Variants in TBL1Y observed in about 807,000 individuals in gnomAD.
TBL1Y encodes F-box-like/WD repeat-containing protein TBL1Y.
In TBL1Y, 15 loss-of-function variants were observed where a neutral mutation model predicts 12.0. The ratio of observed to expected loss-of-function variants is 1.25; its 90% confidence interval spans 0.83 to 1.92. The LOEUF is 1.92. Ranked by LOEUF, TBL1Y falls within the 40% of genes most tolerant of loss-of-function variation. TBL1Y has a pLI of 0.00. For missense variants in TBL1Y, 148 were observed against 116.7 expected (o/e 1.27, Z -1.24); for synonymous variants, 53 against 42.6 (o/e 1.24, Z -0.95).
chrY:6,971,281 CT>C (rs2012205021), intron 2 of TBL1Y, among the ~76,000 whole-genome samples: 1 of 33,559 alleles, frequency 3.0e-5, no homozygotes, highest in African/African-American at 1.2e-4. Flanking sequence ...TTATATTTTA[CT>C]TGTCTAGGTA....
At chrY:7,065,544 A>G (rs981428240) in intron 8 of TBL1Y, among the ~76,000 whole-genome samples, 4 of 34,003 alleles carry the variant, frequency 1.2e-4, no homozygotes, top group Non-Finnish European at 2.2e-4. Flanking sequence ...GTTGGCGTCT[A>G]TGAAGGAAGA....
chrY:6,934,324 C>T, intron 2 of TBL1Y, among the ~76,000 whole-genome samples: 1 of 32,797 alleles, frequency 3.0e-5, no homozygotes, highest in African/African-American at 1.2e-4. Flanking sequence ...TTCTCCTTCT[C>T]CCCTGAAGCT....
Position 6,953,678 on chromosome Y carries a change from C to T in TBL1Y, c.-265-24535C>T, listed in dbSNP as rs755059347. Reference sequence around the variant, plus strand: ...CATCTGAAGCCTTCTTCTCTCAGCTCGTGAAAGTCATTCTCTGTCCAGCTT... The same window carrying T: ...CATCTGAAGCCTTCTTCTCTCAGCTTGTGAAAGTCATTCTCTGTCCAGCTT... On this transcript the variant is annotated intron_variant, in intron 2 of 18. Transcript: ENST00000383032. Among the ~76,000 whole-genome samples the T allele has an allele frequency of 8.2e-4, 28 of 34,042 alleles. No homozygotes were observed. In the East Asian group the frequency reaches 0.022, roughly 26 times the overall value. 91.3% of individuals were successfully genotyped at this position (34,042 alleles called of 37,273 possible).
intron 3 of TBL1Y, among the ~76,000 whole-genome samples, chrY:6,982,248 A>G: frequency 6.1e-5 from 2 of 32,707 alleles, no homozygotes; most frequent in African/African-American, 2.4e-4. Context: ...TGAGCTGAGG[A>G]GTTTGAGACT....
intron 8 of TBL1Y, among the ~76,000 whole-genome samples, chrY:7,066,339 GA>G (rs2012981936): frequency 3.0e-5 from 1 of 33,663 alleles, no homozygotes; most frequent in African/African-American, 1.2e-4. Flanking sequence ...TAATCCTCAA[GA>G]ACTGTTTTTG....
At chrY:7,069,740 A>G in intron 8 of TBL1Y, among the ~76,000 whole-genome samples, 1 of 33,145 alleles carries the variant, frequency 3.0e-5, no homozygotes, top group Non-Finnish European at 7.4e-5. Flanking sequence ...TGGCATAATT[A>G]TGCCTCACTG....
intron 3 of TBL1Y, among the ~76,000 whole-genome samples, chrY:6,983,086 T>C: frequency 3.1e-5 from 1 of 32,197 alleles, no homozygotes; most frequent in Non-Finnish European, 7.6e-5. Flanking sequence ...CTCTGTAGAA[T>C]TGTAGAATTG....
At position 6,940,093 on chromosome Y, in the gene TBL1Y, CA is replaced by C. The variant is rs2011940680; in HGVS notation, c.-266+27943del. 1.6e-3 allele frequency among the ~76,000 whole-genome samples: 4 copies of C among 2,439 alleles called. No individual in the cohort carries two copies. The East Asian group carries it at 0.043, about 27-fold the overall frequency. The allele number at this position is 2,439 out of a possible 37,273, so 6.5% of individuals were successfully genotyped here. On this transcript the variant is annotated intron_variant, in intron 2 of 18. Coordinates refer to ENST00000383032, the MANE Select transcript of TBL1Y (RefSeq NM_033284.2). ...TGAAGCCCCATCTCTACTAAAAATA[CA>C]AAAAAAAAAAAAAAAAAAAAAGGCG...
At chrY:7,084,768 G>A (rs757953600) in intron 14 of TBL1Y, among the ~76,000 whole-genome samples, 277 of 33,454 alleles carry the variant, frequency 8.3e-3, no homozygotes, top group African/African-American at 0.029. Flanking sequence ...TGTTTGCAGC[G>A]GATGAGGAGC....
chrY:7,006,841 CA>C (rs2012490311), intron 4 of TBL1Y, among the ~76,000 whole-genome samples: 2 of 30,328 alleles, frequency 6.6e-5, no homozygotes, highest in Non-Finnish European at 8.1e-5. Flanking sequence ...TTTATGCAGC[CA>C]AAAAAAAACA....
intron 2 of TBL1Y, among the ~76,000 whole-genome samples, chrY:6,972,851 T>C: frequency 6.0e-5 from 2 of 33,544 alleles, no homozygotes; most frequent in African/African-American, 2.3e-4. Flanking sequence ...GGATGGGCAT[T>C]ACCATCTCTG....
chrY:6,930,073 T>G, intron 2 of TBL1Y, among the ~76,000 whole-genome samples: 1 of 33,507 alleles, frequency 3.0e-5, no homozygotes, highest in Non-Finnish European at 7.4e-5. Context: ...TGCTTTGAGA[T>G]TTACACAGGT....
chrY:7,082,518 C>T, intron 14 of TBL1Y, among the ~76,000 whole-genome samples: 1 of 33,757 alleles, frequency 3.0e-5, no homozygotes, highest in African/African-American at 1.2e-4. Flanking sequence ...ACATGTGCAG[C>T]CAAGCACCTC....
intron 2 of TBL1Y, among the ~76,000 whole-genome samples, chrY:6,937,179 T>G: frequency 3.0e-5 from 1 of 33,654 alleles, no homozygotes; most frequent in African/African-American, 1.2e-4. Flanking sequence ...ACAGATACTG[T>G]GACCTTTTGT....
chrY:7,077,268 G>A (rs758012030), intron 13 of TBL1Y, among the ~76,000 whole-genome samples: 2 of 33,637 alleles, frequency 5.9e-5, no homozygotes, highest in Admixed American at 5.5e-4. Context: ...GGAAAATGTT[G>A]GACTGGGCCC....
At chrY:6,980,112 G>T (rs186143316) in intron 3 of TBL1Y, among the ~76,000 whole-genome samples, 34 of 33,460 alleles carry the variant, frequency 1.0e-3, no homozygotes, top group African/African-American at 3.6e-3. Flanking sequence ...ATTGGAGTTT[G>T]ACATTAGATT....
Position 7,027,733 on chromosome Y carries a change from C to T in TBL1Y, c.58+2591C>T, listed in dbSNP as rs1040802113. Reference sequence around the variant, plus strand: ...TCATGCCACCGCACTCCAGCCTGGGCGACAGAACGACACTTCATCTCAAAA... The same window carrying T: ...TCATGCCACCGCACTCCAGCCTGGGTGACAGAACGACACTTCATCTCAAAA... On this transcript the variant is annotated intron_variant, in intron 6 of 18. Coordinates refer to ENST00000383032, the MANE Select transcript of TBL1Y (RefSeq NM_033284.2). 1.5e-4 allele frequency among the ~76,000 whole-genome samples: 5 copies of T among 32,288 alleles called. No homozygotes were observed. In the South Asian group the frequency reaches 3.6e-3, roughly 23 times the overall value. The allele number at this position is 32,288 out of a possible 37,273, so 86.6% of individuals were successfully genotyped here.
At chrY:6,934,451 T>C in intron 2 of TBL1Y, among the ~76,000 whole-genome samples, 1 of 33,373 alleles carries the variant, frequency 3.0e-5, no homozygotes, top group Non-Finnish European at 7.4e-5. Flanking sequence ...TAGCTAATTG[T>C]ATACTTATTT....
At chrY:7,063,486 G>C in intron 7 of TBL1Y, among the ~76,000 whole-genome samples, 1 of 32,812 alleles carries the variant, frequency 3.0e-5, no homozygotes, top group Non-Finnish European at 7.4e-5. Context: ...GGTTATGGCA[G>C]AGCAGAAAAT....
Sources: allele counts gnomAD v4.1 joint callset (sites outside exome capture counted in the v4.1 genomes callset), GRCh38; gene constraint gnomAD v4.1.1; transcripts MANE v1.5; gene names NCBI Gene and HGNC (gene_info 2026-07-23, HGNC 2026-07-21).